The following DHX40 variants were observed in gnomAD, a reference collection of about 807,000 sequenced individuals.
The protein encoded by DHX40 is DEAH-box helicase 40, also known as probable ATP-dependent RNA helicase DHX40.
Under a neutral mutation model 89.6 loss-of-function variants are expected in DHX40, and 28 were observed. The observed-to-expected ratio is 0.31, with a 90% CI of 0.23 to 0.43. The LOEUF (loss-of-function observed/expected upper bound fraction) is 0.43. Ranked by LOEUF, DHX40 falls within the 20% of genes least tolerant of loss-of-function variation. The pLI is 1.00. For synonymous variants in DHX40, 226 were observed against 283.6 expected (o/e 0.80, Z 2.04); for missense variants, 457 against 844.0 (o/e 0.54, Z 5.68).
intron 12 of DHX40, among the ~76,000 whole-genome samples, chr17:59,588,561 A>G (rs1307166292): frequency 1.1e-4 from 16 of 152,116 alleles, no homozygotes; most frequent in South Asian, 4.2e-4. Context: ...CGAACTCCTG[A>G]CCTCAGGTCA....
chr17:59,570,198 AT>A (rs1488003408), intron 2 of DHX40, among the ~76,000 whole-genome samples: 100 of 118,414 alleles, frequency 8.4e-4, no homozygotes, highest in African/African-American at 3.6e-3. Flanking sequence ...TATATAATAT[AT>A]TATAATATAT....
chr17:59,590,368 A>G (rs1337372605), intron 12 of DHX40, among the ~76,000 whole-genome samples: 1 of 149,526 alleles, frequency 6.7e-6, no homozygotes, highest in Admixed American at 6.6e-5. Context: ...AGATTAATTT[A>G]TTATTGCCAT....
At chr17:59,586,089 T>G (rs1041572786) in intron 10 of DHX40, 64 bp from the exon 11 acceptor site, 2 of 1,206,628 alleles carry the variant, frequency 1.7e-6, no homozygotes, top group African/African-American at 3.1e-5. Flanking sequence ...TTTCGTCATG[T>G]CTATATAAAA....
intron 12 of DHX40, among the ~76,000 whole-genome samples, chr17:59,594,883 A>G: frequency 6.6e-6 from 1 of 151,416 alleles, no homozygotes; most frequent in Non-Finnish European, 1.5e-5. Context: ...ACCGAATTCC[A>G]TAGATTAGGC....
Position 59,570,199 on chromosome 17 carries a change from TTATA to T in DHX40, c.281-318_281-315del, listed in dbSNP as rs1598136535. The stretch of plus-strand genomic sequence containing the variant: ...ATTAATATATATAATATATAATATA[TTATA>T]ATATATATTATATATTAAATATATA... On this transcript the variant is annotated intron_variant, in intron 2 of 17. Coordinates refer to ENST00000251241, the MANE Select transcript of DHX40 (RefSeq NM_024612.5). 4.3e-5 allele frequency among the ~76,000 whole-genome samples: 5 copies of T among 117,406 alleles called. No individual in the cohort carries two copies. In the East Asian group the frequency reaches 1.0e-3, roughly 24 times the overall value. The allele number at this position is 117,406 out of a possible 152,430, so 77.0% of individuals were successfully genotyped here.
At chr17:59,602,796 G>C (rs2030614372) in intron 15 of DHX40, among the ~76,000 whole-genome samples, 180 bp downstream of exon 15, 1 of 152,128 alleles carries the variant, frequency 6.6e-6, no homozygotes, top group Non-Finnish European at 1.5e-5. Flanking sequence ...TCAGAATGTG[G>C]TATTAGAGCT....
chr17:59,583,500 T>C (rs1418761661), intron 10 of DHX40, among the ~76,000 whole-genome samples: 4 of 119,216 alleles, frequency 3.4e-5, no homozygotes, highest in African/African-American at 1.0e-4. Flanking sequence ...GTTTGGGATG[T>C]ACAATAGCAA....
chr17:59,603,641 G>A (rs780418454), intron 15 of DHX40: 1 of 152,140 alleles, frequency 6.6e-6, no homozygotes, highest in African/African-American at 2.4e-5. Context: ...CGTGTCTATC[G>A]TGGTATAAAT....
chr17:59,565,616 C>G lies in DHX40; in HGVS notation c.-56C>G. 1 of 1,501,180 alleles carries G rather than the reference C, an allele frequency of 6.7e-7. No homozygotes were observed. Among genetic ancestry groups the G allele is most frequent in the East Asian group, 2.3e-5 (1 of 42,688 alleles). The allele number at this position is 1,501,180 out of a possible 1,614,324, so 93.0% of individuals were successfully genotyped here. On this transcript the variant is annotated 5_prime_UTR_variant, in exon 1 of 18. Transcript: ENST00000251241. ...GTCATCAGGGCGCGTCCTCGTCTTT[C>G]CCCTCCCATCTCCTCAGATCGGTGG...
chr17:59,575,434 C>G lies in DHX40; in HGVS notation c.936C>G (p.Gly312=). The G allele has an allele frequency of 6.2e-7, 1 of 1,612,974 alleles. No homozygotes were observed. The highest frequency in any genetic ancestry group is 8.5e-7 in the Non-Finnish European group (1 of 1,179,584). ...ATGTTCAAGATACCACCCTCGATGG[C>G]TTGTTAATATTGCCGTGTTATGGAT... ...DYDVQDTTLD[G]LLILPCYGSM... is the part of the protein sequence containing the mutation. The change falls in exon 7 of 18, where the codon GGC becomes GGG. Residue 312 remains glycine, a synonymous_variant. Transcript: ENST00000251241.
At chr17:59,596,870 G>C (rs558841734) in intron 12 of DHX40, among the ~76,000 whole-genome samples, 15 of 152,138 alleles carry the variant, frequency 9.9e-5, no homozygotes, top group African/African-American at 3.6e-4. Flanking sequence ...GTATTCTATA[G>C]TAAATGCTGC....
Position 59,607,392 on chromosome 17 carries a change from AC to A in DHX40, c.*221del. The A allele has an allele frequency of 1.2e-6, 1 of 816,438 alleles. No homozygotes were observed. The highest frequency in any genetic ancestry group is 1.6e-5 in the South Asian group (1 of 63,122). 50.6% of individuals were successfully genotyped at this position (816,438 alleles called of 1,614,324 possible). A position where few individuals can be genotyped will look rare whatever the true frequency, so the allele number is the denominator to read the frequency against. On this transcript the variant is annotated 3_prime_UTR_variant, in exon 18 of 18. Transcript: ENST00000251241. The stretch of plus-strand genomic sequence containing the variant: ...GGTTGCCATAGTCATAAGCAATGAT[AC>A]ATGAAACCAATGAAAGACAGTACAT...
At chr17:59,573,012 G>C (rs2143223041) in intron 3 of DHX40, 104 bp from the exon 4 acceptor site, 2 of 1,282,914 alleles carry the variant, frequency 1.6e-6, no homozygotes, top group South Asian at 1.7e-5. Flanking sequence ...GTACCCTTTT[G>C]TTTAGTCAGA....
Position 59,588,578 on chromosome 17 carries a change from C to T in DHX40, c.1582+525C>T, listed in dbSNP as rs533372157. 1.1e-3 allele frequency among the ~76,000 whole-genome samples: 166 copies of T among 152,252 alleles called. 2 individuals are homozygous for T. Among genetic ancestry groups the T allele is most frequent in the Non-Finnish European group, 1.8e-3 (123 of 68,016 alleles). On this transcript the variant is annotated intron_variant, in intron 12 of 17. Transcript: ENST00000251241. Reference sequence around the variant, plus strand: ...AACTCCTGACCTCAGGTCATCTGCCCGCCTTGGCCTCCCAAAGTGCTGGGA... The same window carrying T: ...AACTCCTGACCTCAGGTCATCTGCCTGCCTTGGCCTCCCAAAGTGCTGGGA...
intron 15 of DHX40, chr17:59,604,225 G>A (rs573047146): frequency 2.6e-5 from 4 of 152,284 alleles, no homozygotes; most frequent in African/African-American, 9.6e-5. Context: ...GTGCACAGTC[G>A]AGTATTTGAG....
At position 59,570,500 on chromosome 17, in the gene DHX40, T is replaced by C. The variant is rs34143430; in HGVS notation, c.281-18T>C. 0.019 allele frequency: 29,357 copies of C among 1,580,352 alleles called. 350 individuals are homozygous for C. Among genetic ancestry groups the C allele is most frequent in the Non-Finnish European group, 0.023 (26,473 of 1,163,844 alleles). On this transcript the variant is annotated intron_variant, in intron 2 of 17. Coordinates refer to ENST00000251241, the MANE Select transcript of DHX40 (RefSeq NM_024612.5). ...AATTGCTAACATTGTTGTGTTTCTT[T>C]ATCTCTGGTTTTGATAGGGTTTTCA...
chr17:59,575,591 C>G (rs1226783577), intron 7 of DHX40, 120 bp downstream of exon 7: 2 of 732,040 alleles, frequency 2.7e-6, no homozygotes, highest in Admixed American at 4.5e-5. Flanking sequence ...ACCAGTCTCA[C>G]CTTTGTAACC....
At chr17:59,569,053 G>T (rs1368617997) in intron 2 of DHX40, among the ~76,000 whole-genome samples, 2 of 152,058 alleles carry the variant, frequency 1.3e-5, no homozygotes, top group Admixed American at 6.6e-5. Flanking sequence ...TTTAGGCTGG[G>T]TGCAGTGGCT....
rs1326573427 is a variant in DHX40, at chr17:59,602,739, T to A, written c.1901+123T>A. ...GCTCTGTGATGATTATGACATGAAT[T>A]ACAGTGACGAGGGAGAGCTACAGTG... On this transcript the variant is annotated intron_variant, in intron 15 of 17. Transcript: ENST00000251241. The A allele has an allele frequency of 1.5e-5, 13 of 849,552 alleles. No homozygotes were observed. The African/African-American group carries it at 2.2e-4, about 15-fold the overall frequency. 52.6% of individuals were successfully genotyped at this position (849,552 alleles called of 1,614,324 possible).
Sources: allele counts gnomAD v4.1 joint callset (sites outside exome capture counted in the v4.1 genomes callset), GRCh38; gene constraint gnomAD v4.1.1; transcripts MANE v1.5; gene names NCBI Gene and HGNC (gene_info 2026-07-23, HGNC 2026-07-21).